The following CDH23 variants were observed in gnomAD, a reference collection of about 807,000 sequenced individuals.
CDH23 encodes the protein cadherin related 23.
In CDH23, 189 loss-of-function variants were observed where a neutral mutation model predicts 317.1. The ratio of observed to expected loss-of-function variants is 0.60; its 90% CI spans 0.53 to 0.67. The LOEUF (loss-of-function observed/expected upper bound fraction) is 0.67. Among genes scored for constraint, CDH23 ranks in the 30% least tolerant of loss-of-function variants. CDH23 has a pLI of 0.00. For synonymous variants in CDH23, 1,839 were observed against 1,876.8 expected, an observed-to-expected ratio of 0.98 and a Z score of 0.52; for missense variants, 4,401 against 4,592.4, an observed-to-expected ratio of 0.96 and a Z score of 1.20.
intron 1 of CDH23, among the ~76,000 whole-genome samples, chr10:71,423,307 A>C (rs1848898212): frequency 6.6e-6 from 1 of 152,236 alleles, no homozygotes; most frequent in South Asian, 2.1e-4. Flanking sequence ...GTGATGGCCA[A>C]GCCCTGTTGA....
intron 3 of CDH23, among the ~76,000 whole-genome samples, chr10:71,474,151 G>A (rs2132096199): frequency 6.6e-6 from 1 of 152,274 alleles, no homozygotes; most frequent in African/African-American, 2.4e-5. Context: ...TGCCAGTACA[G>A]CCTGTTCCCA....
chr10:71,433,382 G>A (rs1564577018), intron 1 of CDH23, among the ~76,000 whole-genome samples: 1 of 152,284 alleles, frequency 6.6e-6, no homozygotes, highest in East Asian at 1.9e-4. Context: ...TGGAATTGCT[G>A]GGCCACAGGG....
At position 71,577,995 on chromosome 10, in the gene CDH23, A is replaced by G; in HGVS notation, c.832+3A>G. The stretch of plus-strand genomic sequence containing the variant: ...CATTGGCTACACCATCGTTTCAGGT[A>G]AGACAGAAGGCTGCCCCTCTCTCCT... On this transcript the variant is annotated splice_donor_region_variant and intron_variant, in intron 9 of 69. Transcript: ENST00000224721. The G allele has an allele frequency of 1.3e-6, 2 of 1,592,956 alleles. No homozygotes were observed. The highest frequency in any genetic ancestry group is 1.1e-5 in the South Asian group (1 of 87,288).
intron 11 of CDH23, among the ~76,000 whole-genome samples, chr10:71,641,272 TG>T (rs989961746): frequency 6.6e-6 from 1 of 152,240 alleles, no homozygotes; most frequent in Admixed American, 6.5e-5. Flanking sequence ...ACACTGGCTC[TG>T]GGCATCTGCA....
intron 3 of CDH23, among the ~76,000 whole-genome samples, chr10:71,489,409 G>A (rs1199383042): frequency 6.6e-6 from 1 of 152,022 alleles, no homozygotes; most frequent in Non-Finnish European, 1.5e-5. Context: ...ATTCCTAAGG[G>A]CTCTATTTGA....
At chr10:71,735,948 G>T (rs1839552219) in intron 34 of CDH23, among the ~76,000 whole-genome samples, 2 of 152,354 alleles carry the variant, frequency 1.3e-5, no homozygotes, top group South Asian at 4.1e-4. Context: ...AGACACTCAG[G>T]GGTAAAGTGG....
At position 71,815,137 on chromosome 10, in the gene CDH23, G is replaced by A. The variant is rs758597981; in HGVS notation, c.9924G>A (p.Leu3308=). The change falls in exon 70 of 70, where the codon CTG becomes CTA. Residue 3308 remains leucine (L), a synonymous_variant. Coordinates refer to ENST00000224721, the MANE Select transcript of CDH23 (RefSeq NM_022124.6). ...TGCCCGAGGAAGACCAGAAGGGCCT[G>A]GGCCGCTCGCTGGAGACGCTGACCG... ...NSLPEEDQKG[L]GRSLETLTAA... 30 of 1,611,164 alleles carry A rather than the reference G, an allele frequency of 1.9e-5. No individual in the cohort carries two copies. Among genetic ancestry groups the A allele is most frequent in the Non-Finnish European group, 1.6e-5 (19 of 1,179,078 alleles).
chr10:71,755,240 C>T, intron 38 of CDH23: 2 of 956,072 alleles, frequency 2.1e-6, no homozygotes, highest in Non-Finnish European at 3.2e-6. Context: ...CTGCTCCCAA[C>T]TCTCAAATGA....
chr10:71,709,319 A>C lies in CDH23; in HGVS notation c.3220+108A>C, dbSNP rs1395057348. The C allele has an allele frequency of 6.3e-6, 6 of 945,534 alleles. No homozygotes were observed. The Admixed American group carries it at 7.0e-5, about 11-fold the overall frequency. 58.6% of individuals were successfully genotyped at this position (945,534 alleles called of 1,614,324 possible). ...AAAGGCTGAACTCTGCCCAGATGCC[A>C]GTGGAGAAAGGGCCACCAGGCACTC... On this transcript the variant is annotated intron_variant, in intron 27 of 69. Coordinates refer to ENST00000224721, the MANE Select transcript of CDH23 (RefSeq NM_022124.6).
intron 3 of CDH23, among the ~76,000 whole-genome samples, chr10:71,496,824 G>GGCAGCCTCGTA (rs368531457): frequency 8.0e-6 from 1 of 124,338 alleles, no homozygotes; most frequent in African/African-American, 2.8e-5. Flanking sequence ...TATGTGGTCT[G>GGCAGCCTCGTA]GTGTACAGAT....
chr10:71,573,967 G>A (rs946244069), intron 8 of CDH23, among the ~76,000 whole-genome samples: 2 of 152,116 alleles, frequency 1.3e-5, no homozygotes, highest in Admixed American at 6.5e-5. Context: ...GATCCTTCCC[G>A]GCTGCTAATT....
chr10:71,722,559 G>A (rs762203514), intron 28 of CDH23, among the ~76,000 whole-genome samples: 7 of 152,180 alleles, frequency 4.6e-5, no homozygotes, highest in Admixed American at 1.3e-4. Flanking sequence ...CAGGGATATC[G>A]CAGTGCACAA....
intron 6 of CDH23, among the ~76,000 whole-genome samples, chr10:71,534,416 C>A (rs879670086): frequency 6.6e-6 from 1 of 152,198 alleles, no homozygotes; most frequent in Non-Finnish European, 1.5e-5. Flanking sequence ...CCCATCGCTG[C>A]GGAATCCCCA....
intron 8 of CDH23, among the ~76,000 whole-genome samples, chr10:71,574,100 A>G (rs1035208344): frequency 8.5e-5 from 13 of 152,086 alleles, no homozygotes; most frequent in African/African-American, 3.1e-4. Flanking sequence ...CTCCCAGGCC[A>G]GAGGACCCCA....
intron 11 of CDH23, among the ~76,000 whole-genome samples, chr10:71,620,888 C>T (rs189201086): frequency 9.8e-4 from 150 of 152,290 alleles, no homozygotes; most frequent in African/African-American, 3.3e-3. Flanking sequence ...GAGTTGCTTT[C>T]GGCCCAGCCC....
At chr10:71,726,813 T>A (rs1263387851) in intron 30 of CDH23, among the ~76,000 whole-genome samples, 1 of 152,228 alleles carries the variant, frequency 6.6e-6, no homozygotes, top group Non-Finnish European at 1.5e-5. Context: ...CAGCCCTCCA[T>A]GTGGCCCTCG....
chr10:71,603,618 G>C (rs1405084703), intron 9 of CDH23, among the ~76,000 whole-genome samples: 1 of 152,188 alleles, frequency 6.6e-6, no homozygotes, highest in South Asian at 2.1e-4. Context: ...GCAGCAGGGG[G>C]GGCCTCCTTT....
rs1264310782 is a variant in CDH23, at chr10:71,799,579, G to A, written c.7312G>A (p.Glu2438Lys). 6 of 1,613,970 alleles carry A rather than the reference G, an allele frequency of 3.7e-6. No homozygotes were observed. The East Asian group carries it at 8.9e-5, about 24-fold the overall frequency. ...DADSGNFALIEYSLGDGESKF... is the reference protein window; with the variant it reads ...DADSGNFALIKYSLGDGESKF... ...TGACTCAGGCAACTTTGCACTCATT[G>A]AGTACAGCCTTGGAGATGGAGAGAG... Residue 2438 changes from glutamate (E) to lysine (K), a missense_variant, in exon 52 of 70, where the codon GAG becomes AAG. This residue lies in a region of CDH23 where 189 missense variants were observed against 250.9 expected (regional missense o/e 0.75). Transcript: ENST00000224721.
chr10:71,542,259 G>C lies in CDH23; in HGVS notation c.430-24483G>C, dbSNP rs549326047. Among the ~76,000 whole-genome samples, 54 of 152,336 alleles carry C rather than the reference G, an allele frequency of 3.5e-4. 2 individuals carry two copies. In the South Asian group the frequency reaches 0.011, roughly 32 times the overall value. On this transcript the variant is annotated intron_variant, in intron 6 of 69. Coordinates refer to ENST00000224721, the MANE Select transcript of CDH23 (RefSeq NM_022124.6). Reference sequence around the variant, plus strand: ...CATCACAGCCTGGGGTTGGATCCCAGCTCTGCTCGCTCCATGTGACCTTGG... The same window carrying C: ...CATCACAGCCTGGGGTTGGATCCCACCTCTGCTCGCTCCATGTGACCTTGG...
Sources: gnomAD v4.1 joint callset for allele counts (sites outside exome capture counted in the v4.1 genomes callset) on GRCh38, gnomAD v4.1.1 for gene constraint, gnomAD v4.1.1 regional missense constraint, MANE v1.5 for transcripts, NCBI Gene and HGNC (gene_info 2026-07-23, HGNC 2026-07-21) for gene names.